PRKD1: variants seen among roughly 807,000 people sequenced by gnomAD.
PRKD1 encodes protein kinase D1.
A neutral mutation model predicts 95.9 loss-of-function variants in PRKD1; 63 were observed. The observed-to-expected ratio is 0.66, with a 90% CI of 0.54 to 0.81. The LOEUF (loss-of-function observed/expected upper bound fraction) is 0.81, where lower values mean the gene tolerates loss of function less well. PRKD1 is among the 30% of genes least tolerant of loss of function. The probability of loss-of-function intolerance (pLI) is 0.00; values close to 1 mark genes in which losing one functional copy is unlikely to be tolerated. For synonymous variants in PRKD1, 425 were observed against 423.1 expected, an observed-to-expected ratio of 1.00 and a Z score of -0.05; for missense variants, 1,048 against 1,165.3, an observed-to-expected ratio of 0.90 and a Z score of 1.47.
intron 1 of PRKD1, among the ~76,000 whole-genome samples, chr14:29,883,041 C>T (rs531014265): frequency 6.6e-6 from 1 of 152,262 alleles, no homozygotes; most frequent in South Asian, 2.1e-4. Flanking sequence ...ATGGTGCTGG[C>T]ATCTGCCTGG....
chr14:29,870,665 A>G (rs547190867), intron 1 of PRKD1, among the ~76,000 whole-genome samples: 3 of 152,252 alleles, frequency 2.0e-5, no homozygotes, highest in Non-Finnish European at 4.4e-5. Flanking sequence ...TTGAAATCAC[A>G]TATGTTTGTA....
At chr14:29,870,629 C>A (rs188299586) in intron 1 of PRKD1, among the ~76,000 whole-genome samples, 3 of 152,166 alleles carry the variant, frequency 2.0e-5, no homozygotes, top group Non-Finnish European at 4.4e-5. Flanking sequence ...TTTGTAATAA[C>A]CCCTGAAGAA....
chr14:29,732,601 C>G (rs893870259), intron 1 of PRKD1, among the ~76,000 whole-genome samples: 5 of 152,144 alleles, frequency 3.3e-5, no homozygotes, highest in African/African-American at 9.7e-5. Context: ...CATGGTATCA[C>G]TTTCTTCCAT....
At position 29,636,373 on chromosome 14, in the gene PRKD1, CTCT is replaced by C. The variant is rs752898191; in HGVS notation, c.1104_1106del (p.Glu369del). On this transcript the variant is annotated inframe_deletion, in exon 7 of 18. Coordinates refer to ENST00000331968, the MANE Select transcript of PRKD1 (RefSeq NM_002742.3). Reference sequence around the variant, plus strand: ...CGTTCTGGCACTCTGCCATTGCCATCTCTGCATCTTGGACCATTGCTTCTTCCA... The same window carrying C: ...CGTTCTGGCACTCTGCCATTGCCATCGCATCTTGGACCATTGCTTCTTCCA... 68 of 1,614,196 alleles carry C rather than the reference CTCT, an allele frequency of 4.2e-5. 1 individual carries two copies. In the South Asian group the frequency reaches 6.0e-4, roughly 14 times the overall value.
rs1893415243 is a variant in PRKD1 at position 29,599,039 on chromosome 14, A to G, written c.2154T>C (p.Asp718=). ...CTTTTATACTTGCCTGAGGAAAAGGATCAGCTGAGGCTAGCAACACATTTT... is the reference window on the plus strand; with the variant it reads ...CTTTTATACTTGCCTGAGGAAAAGGGTCAGCTGAGGCTAGCAACACATTTT... The part of the protein sequence containing the change: ...KPENVLLASA[D]PFPQVKLCDF... Residue 718 remains aspartate (D), a synonymous_variant, in exon 15 of 18, where the codon GAT becomes GAC. Transcript: ENST00000331968. The G allele has an allele frequency of 6.2e-7, 1 of 1,612,946 alleles. No homozygotes were observed. The highest frequency in any genetic ancestry group is 8.5e-7 in the Non-Finnish European group (1 of 1,178,998).
intron 13 of PRKD1, among the ~76,000 whole-genome samples, chr14:29,610,314 C>T (rs1193239277): frequency 6.6e-6 from 1 of 151,962 alleles, no homozygotes; most frequent in African/African-American, 2.4e-5. Context: ...ACTACTAAAA[C>T]ACAACAAGAA....
intron 1 of PRKD1, among the ~76,000 whole-genome samples, chr14:29,736,831 C>A (rs560056464): frequency 5.3e-5 from 8 of 152,314 alleles, no homozygotes; most frequent in Admixed American, 2.6e-4. Context: ...GTTGGCCAGA[C>A]AATGTGCTCC....
intron 1 of PRKD1, among the ~76,000 whole-genome samples, chr14:29,870,047 A>G (rs1029693490): frequency 6.6e-6 from 1 of 152,158 alleles, no homozygotes; most frequent in Non-Finnish European, 1.5e-5. Flanking sequence ...ATTTTCACTT[A>G]TTATTATTAC....
intron 1 of PRKD1, among the ~76,000 whole-genome samples, chr14:29,816,082 G>A (rs952214872): frequency 3.9e-5 from 6 of 152,076 alleles, no homozygotes; most frequent in African/African-American, 1.4e-4. Context: ...GCTGGGTGTC[G>A]TGGCACATGC....
intron 1 of PRKD1, among the ~76,000 whole-genome samples, chr14:29,874,762 T>A (rs1437075504): frequency 6.6e-6 from 1 of 152,190 alleles, no homozygotes; most frequent in Admixed American, 6.5e-5. Flanking sequence ...ACGTATGTTC[T>A]CACTCATAAG....
chr14:29,602,720 C>A (rs1893566919), intron 13 of PRKD1, among the ~76,000 whole-genome samples: 1 of 152,140 alleles, frequency 6.6e-6, no homozygotes, highest in Non-Finnish European at 1.5e-5. Flanking sequence ...TGAGCCACTG[C>A]ACCTGGCCAG....
intron 1 of PRKD1, among the ~76,000 whole-genome samples, chr14:29,926,493 G>A (rs1267929573): frequency 5.3e-5 from 8 of 152,092 alleles, no homozygotes; most frequent in Admixed American, 5.2e-4. Context: ...CCTGGCCCCG[G>A]ATAATGACCC....
chr14:29,907,497 A>T (rs2139439323), intron 1 of PRKD1, among the ~76,000 whole-genome samples: 1 of 152,350 alleles, frequency 6.6e-6, no homozygotes, highest in African/African-American at 2.4e-5. Flanking sequence ...TAACAGTGAA[A>T]AAAATAGGCA....
intron 1 of PRKD1, among the ~76,000 whole-genome samples, chr14:29,862,928 A>T (rs1892760599): frequency 6.6e-6 from 1 of 152,088 alleles, no homozygotes; most frequent in East Asian, 1.9e-4. Flanking sequence ...TACTCAATAA[A>T]TCTTTGCCCA....
intron 1 of PRKD1, among the ~76,000 whole-genome samples, chr14:29,919,281 G>T (rs1894999386): frequency 6.6e-6 from 1 of 152,160 alleles, no homozygotes; most frequent in Non-Finnish European, 1.5e-5. Flanking sequence ...AACTTTGGAA[G>T]AAACTTCTAC....
intron 4 of PRKD1, among the ~76,000 whole-genome samples, chr14:29,642,502 G>A (rs909217929): frequency 5.9e-5 from 9 of 151,996 alleles, no homozygotes; most frequent in African/African-American, 2.2e-4. Flanking sequence ...ATTTCAAGAG[G>A]AAACTAGATA....
chr14:29,873,909 C>T (rs1476869635), intron 1 of PRKD1, among the ~76,000 whole-genome samples: 1 of 151,972 alleles, frequency 6.6e-6, no homozygotes, highest in Non-Finnish European at 1.5e-5. Context: ...TTTGTTTATG[C>T]CACTAGTGTG....
intron 4 of PRKD1, among the ~76,000 whole-genome samples, chr14:29,643,436 T>A (rs753328355): frequency 1.1e-4 from 16 of 152,178 alleles, no homozygotes; most frequent in Non-Finnish European, 1.3e-4. Flanking sequence ...ACACCAAGTG[T>A]TTCATTTGAA....
At chr14:29,707,692 A>G (rs1885156541) in intron 2 of PRKD1, among the ~76,000 whole-genome samples, 1 of 152,128 alleles carries the variant, frequency 6.6e-6, no homozygotes, top group Admixed American at 6.5e-5. Context: ...AGAACCTCCA[A>G]TTCAGGCACT....
Sources: allele counts gnomAD v4.1 joint callset (sites outside exome capture counted in the v4.1 genomes callset), GRCh38; gene constraint gnomAD v4.1.1; transcripts MANE v1.5; gene names NCBI Gene and HGNC (gene_info 2026-07-23, HGNC 2026-07-21).